ULK4: variants seen among roughly 807,000 people sequenced by gnomAD.
ULK4 encodes inactive serine/threonine-protein kinase ULK4.
ULK4 carries 133 observed loss-of-function variants against 160.6 expected under a neutral mutation model. The observed-to-expected ratio is 0.83, with a 90% CI of 0.72 to 0.96. The LOEUF is 0.96. Among genes scored for constraint, ULK4 ranks in the 40% least tolerant of loss-of-function variants. The pLI is 0.00. For synonymous variants in ULK4, 534 were observed against 539.8 expected, an observed-to-expected ratio of 0.99 and a Z score of 0.15; for missense variants, 1,580 against 1,499.5, an observed-to-expected ratio of 1.05 and a Z score of -0.89.
intron 32 of ULK4, among the ~76,000 whole-genome samples, chr3:41,527,997 A>G (rs1202675573): frequency 1.3e-5 from 2 of 152,264 alleles, no homozygotes; most frequent in Non-Finnish European, 2.9e-5. Context: ...TGACACAGCT[A>G]TGTGGTTAAC....
At chr3:41,303,528 T>C (rs938883198) in intron 35 of ULK4, among the ~76,000 whole-genome samples, 2 of 152,214 alleles carry the variant, frequency 1.3e-5, no homozygotes, top group African/African-American at 4.8e-5. Context: ...GCTTGAGTTT[T>C]CCCTATTTCT....
intron 35 of ULK4, among the ~76,000 whole-genome samples, chr3:41,334,052 A>T (rs1365369955): frequency 6.6e-6 from 1 of 152,200 alleles, no homozygotes; most frequent in Non-Finnish European, 1.5e-5. Context: ...AAACACACGC[A>T]GATTCACACA....
intron 30 of ULK4, among the ~76,000 whole-genome samples, chr3:41,633,533 G>A (rs2033830041): frequency 6.6e-6 from 1 of 151,936 alleles, no homozygotes; most frequent in African/African-American, 2.4e-5. Flanking sequence ...TCTCTAGGTG[G>A]CTGGGTGCCA....
chr3:41,646,731 T>C (rs2034511033), intron 30 of ULK4, among the ~76,000 whole-genome samples: 3 of 152,226 alleles, frequency 2.0e-5, no homozygotes, highest in Non-Finnish European at 1.5e-5. Flanking sequence ...TGAATCTGAA[T>C]GTTGGCCTGC....
intron 32 of ULK4, among the ~76,000 whole-genome samples, chr3:41,509,352 T>G (rs1001029508): frequency 6.6e-6 from 1 of 152,280 alleles, no homozygotes; most frequent in African/African-American, 2.4e-5. Context: ...CTAAGAATAA[T>G]TGGTGTTCCT....
intron 34 of ULK4, among the ~76,000 whole-genome samples, chr3:41,428,880 T>C (rs1215081983): frequency 6.6e-6 from 1 of 152,122 alleles, no homozygotes. Flanking sequence ...CGTCAAAAGC[T>C]ATTGCAACAA....
At chr3:41,626,685 C>T (rs1007236431) in intron 30 of ULK4, among the ~76,000 whole-genome samples, 4 of 151,976 alleles carry the variant, frequency 2.6e-5, no homozygotes, top group South Asian at 2.1e-4. Flanking sequence ...CCACCATGTC[C>T]GGCTAATTTT....
chr3:41,711,001 A>C (rs2037076999), intron 25 of ULK4, among the ~76,000 whole-genome samples: 1 of 152,130 alleles, frequency 6.6e-6, no homozygotes, highest in African/African-American at 2.4e-5. Context: ...CGACAAGCGG[A>C]TGCTGACAGT....
At chr3:41,550,512 A>G (rs1303376637) in intron 32 of ULK4, among the ~76,000 whole-genome samples, 1 of 152,074 alleles carries the variant, frequency 6.6e-6, no homozygotes, top group African/African-American at 2.4e-5. Flanking sequence ...AATACACTCA[A>G]AAACATTACA....
rs147778774 is a variant in ULK4 at position 41,666,153 on chromosome 3, T to C, written c.2979-2454A>G. Among the ~76,000 whole-genome samples, 3 of 152,306 alleles carry C rather than the reference T, an allele frequency of 2.0e-5. No individual in the cohort carries two copies. In the East Asian group the frequency reaches 5.8e-4, roughly 29 times the overall value. Reference sequence around the variant, plus strand: ...TGAGCCTTGGTGTCCAGGGTTTTTATTGGAGGTTGGTCATGTAGGCATGGA... The same window carrying C: ...TGAGCCTTGGTGTCCAGGGTTTTTACTGGAGGTTGGTCATGTAGGCATGGA... On this transcript the variant is annotated intron_variant, in intron 29 of 36. Transcript: ENST00000301831.
intron 31 of ULK4, among the ~76,000 whole-genome samples, chr3:41,571,423 T>G (rs1025196455): frequency 4.6e-5 from 7 of 152,216 alleles, no homozygotes; most frequent in Admixed American, 2.6e-4. Flanking sequence ...GCTATTTCAT[T>G]TATCTTAGCA....
intron 22 of ULK4, among the ~76,000 whole-genome samples, chr3:41,747,235 T>A (rs578191765): frequency 6.6e-6 from 1 of 151,760 alleles, no homozygotes; most frequent in South Asian, 2.1e-4. Context: ...AGAGAAAAAA[T>A]TTGCAAACCG....
intron 31 of ULK4, among the ~76,000 whole-genome samples, chr3:41,592,464 G>A (rs375065956): frequency 6.6e-6 from 1 of 152,118 alleles, no homozygotes. Flanking sequence ...TGGGTGCAGC[G>A]TATACTGCTC....
At chr3:41,747,736 T>C (rs1461034519) in intron 22 of ULK4, among the ~76,000 whole-genome samples, 3 of 152,002 alleles carry the variant, frequency 2.0e-5, no homozygotes, top group African/African-American at 7.2e-5. Context: ...ACACCATGAG[T>C]GCACACACAC....
intron 21 of ULK4, among the ~76,000 whole-genome samples, chr3:41,772,540 T>G (rs1336722868): frequency 6.6e-6 from 1 of 152,184 alleles, no homozygotes; most frequent in East Asian, 1.9e-4. Context: ...AATCTCTGAA[T>G]AGACCAATAA....
At position 41,937,462 on chromosome 3, in the gene ULK4, T is replaced by C. The variant is rs192221757; in HGVS notation, c.238+636A>G. The C allele has an allele frequency of 6.4e-4, 371 of 576,566 alleles. 7 individuals carry two copies. In the East Asian group the frequency reaches 8.8e-3, roughly 14 times the overall value. The allele number at this position is 576,566 out of a possible 1,614,324, so 35.7% of individuals were successfully genotyped here. On this transcript the variant is annotated intron_variant, in intron 3 of 36. Transcript: ENST00000301831. ...AAGCTAGTAATAATTATATCAATAT[T>C]CAATTATCCTTTATTGTTACTCAAT... is the stretch of plus-strand genomic sequence containing the variant.
chr3:41,285,690 A>C (rs978534400), intron 35 of ULK4, among the ~76,000 whole-genome samples: 1 of 152,210 alleles, frequency 6.6e-6, no homozygotes, highest in African/African-American at 2.4e-5. Flanking sequence ...ACCACAAAAT[A>C]ACTTACTAAT....
chr3:41,431,780 T>G (rs2082915974), intron 34 of ULK4, among the ~76,000 whole-genome samples: 1 of 140,116 alleles, frequency 7.1e-6, no homozygotes, highest in African/African-American at 2.7e-5. Context: ...TTTCTTTTTT[T>G]TCCTTTTTCT....
chr3:41,579,001 A>T (rs2029970760), intron 31 of ULK4, among the ~76,000 whole-genome samples: 1 of 152,160 alleles, frequency 6.6e-6, no homozygotes, highest in Non-Finnish European at 1.5e-5. Context: ...ACAAATACTT[A>T]TGGGGTTCTT....
Sources: allele counts gnomAD v4.1 joint callset (sites outside exome capture counted in the v4.1 genomes callset), GRCh38; gene constraint gnomAD v4.1.1; transcripts MANE v1.5; gene names NCBI Gene and HGNC (gene_info 2026-07-23, HGNC 2026-07-21).